Variants in IGBP1 observed in about 807,000 individuals in gnomAD.
IGBP1 encodes immunoglobulin binding protein 1.
A neutral mutation model predicts 25.9 loss-of-function variants in IGBP1; 2 were observed. The ratio of observed to expected loss-of-function variants is 0.08; its 90% CI spans 0.03 to 0.24. The LOEUF (loss-of-function observed/expected upper bound fraction) is 0.24. IGBP1 is among the 10% of genes least tolerant of loss of function. The pLI is 1.00. For synonymous variants in IGBP1, 96 were observed against 93.4 expected (o/e 1.03, Z -0.16); for missense variants, 187 against 260.4 (o/e 0.72, Z 1.94).
At chrX:70,154,768 G>A (rs751771426) in intron 6 of IGBP1, among the ~76,000 whole-genome samples, 6 of 95,393 alleles carry the variant, frequency 6.3e-5, no homozygotes, top group South Asian at 9.9e-4. Flanking sequence ...GTGATGGTTC[G>A]TGCCTGTAGT....
intron 6 of IGBP1, among the ~76,000 whole-genome samples, chrX:70,162,275 T>TA (rs1041902549): frequency 2.7e-5 from 3 of 111,789 alleles, no homozygotes; most frequent in South Asian, 3.7e-4. Flanking sequence ...TCTAATTCTG[T>TA]AAAAAATAGG....
intron 6 of IGBP1, among the ~76,000 whole-genome samples, chrX:70,155,929 TGA>T (rs2085237566): frequency 1.8e-5 from 2 of 112,272 alleles, no homozygotes; most frequent in Non-Finnish European, 3.8e-5. Flanking sequence ...ATTATTTACT[TGA>T]ATACTTACAG....
intron 6 of IGBP1, among the ~76,000 whole-genome samples, chrX:70,161,328 A>G (rs1348889678): frequency 8.9e-6 from 1 of 111,771 alleles, no homozygotes. Context: ...CCACTGGCCA[A>G]TTCGGTTTCA....
chrX:70,162,194 C>T (rs935096684), intron 6 of IGBP1, among the ~76,000 whole-genome samples: 4 of 111,433 alleles, frequency 3.6e-5, no homozygotes, highest in Admixed American at 9.6e-5. Flanking sequence ...GTCAGGTCAT[C>T]GAGGTTATTA....
intron 6 of IGBP1, among the ~76,000 whole-genome samples, chrX:70,154,791 G>A (rs2085228900): frequency 9.6e-6 from 1 of 104,206 alleles, no homozygotes; most frequent in South Asian, 4.3e-4. Flanking sequence ...CAGATACTCA[G>A]GAGGCTGAGG....
At chrX:70,144,143 G>T (rs2085150436) in intron 3 of IGBP1, among the ~76,000 whole-genome samples, 1 of 112,235 alleles carries the variant, frequency 8.9e-6, no homozygotes, top group African/African-American at 3.2e-5. Context: ...AGCTGAAATT[G>T]TGCGGCTGCA....
chrX:70,146,541 T>C, intron 3 of IGBP1, 92 bp from the exon 4 acceptor site: 5 of 721,654 alleles, frequency 6.9e-6, no homozygotes, highest in Non-Finnish European at 1.1e-5. Flanking sequence ...TACTACCCTA[T>C]CATTTGCAAA....
intron 3 of IGBP1, among the ~76,000 whole-genome samples, chrX:70,139,265 G>A (rs1158176498): frequency 9.8e-6 from 1 of 102,289 alleles, no homozygotes; most frequent in African/African-American, 3.6e-5. Context: ...AGCCGAGATC[G>A]CACCATTGCA....
At chrX:70,165,747 G>T in intron 6 of IGBP1, 86 bp from the exon 7 acceptor site, 2 of 856,418 alleles carry the variant, frequency 2.3e-6, no homozygotes, top group Non-Finnish European at 3.4e-6. Context: ...GCATGTGGTT[G>T]TGCTCAGAGT....
intron 6 of IGBP1, among the ~76,000 whole-genome samples, chrX:70,151,578 A>G (rs2085203043): frequency 1.8e-5 from 2 of 111,732 alleles, no homozygotes; most frequent in Non-Finnish European, 3.8e-5. Flanking sequence ...AAGAAAAAAA[A>G]TAAAAATAAA....
intron 6 of IGBP1, among the ~76,000 whole-genome samples, chrX:70,165,532 G>A (rs1165015536): frequency 9.1e-6 from 1 of 110,326 alleles, no homozygotes; most frequent in Non-Finnish European, 1.9e-5. Flanking sequence ...TGGGGGGGGT[G>A]GGTGTTGGCC....
chrX:70,143,824 A>C (rs1359519961), intron 3 of IGBP1, among the ~76,000 whole-genome samples: 1 of 112,475 alleles, frequency 8.9e-6, no homozygotes, highest in Non-Finnish European at 1.9e-5. Context: ...TCTCATTAGA[A>C]GAAAAGGTTC....
chrX:70,139,311 CA>C (rs775830617), intron 3 of IGBP1, among the ~76,000 whole-genome samples: 289 of 39,433 alleles, frequency 7.3e-3, no homozygotes, highest in African/African-American at 0.026. Flanking sequence ...GACTCCGTCT[CA>C]AAAAAAAAAA....
Position 70,134,876 on chromosome X carries a change from T to A in IGBP1, c.482+60T>A, listed in dbSNP as rs1319879966. ...TGGCGGTGCTTTTCAGGGGCATGCT[T>A]TCTTGGCGGGTGGTGGGGGGCCAGA... On this transcript the variant is annotated intron_variant, in intron 3 of 6. Coordinates refer to ENST00000356413, the MANE Select transcript of IGBP1 (RefSeq NM_001551.3). The A allele has an allele frequency of 6.5e-6, 7 of 1,085,101 alleles. No homozygotes were observed. The Admixed American group carries it at 1.5e-4, about 24-fold the overall frequency. 89.4% of individuals were successfully genotyped at this position (1,085,101 alleles called of 1,213,427 possible).
chrX:70,134,398 G>A lies in IGBP1; in HGVS notation c.189-125G>A, dbSNP rs1569420716. 22 of 730,851 alleles carry A rather than the reference G, an allele frequency of 3.0e-5. No homozygotes were observed. The East Asian group carries it at 6.3e-4, about 21-fold the overall frequency. The allele number at this position is 730,851 out of a possible 1,213,427, so 60.2% of individuals were successfully genotyped here. On this transcript the variant is annotated intron_variant, in intron 2 of 6. Transcript: ENST00000356413. ...CCACTTTCATTGAGTGAAACTGGCCGCTGTTCCCCGTGCCTCCTCCCTCTG... is the reference window on the plus strand; with the variant it reads ...CCACTTTCATTGAGTGAAACTGGCCACTGTTCCCCGTGCCTCCTCCCTCTG...
rs774228547 is a variant in IGBP1, at chrX:70,156,614, T to A, written c.871+6292T>A. Among the ~76,000 whole-genome samples the A allele has an allele frequency of 3.6e-5, 4 of 112,362 alleles. No homozygotes were observed. In the South Asian group the frequency reaches 1.5e-3, roughly 41 times the overall value. On this transcript the variant is annotated intron_variant, in intron 6 of 6. Transcript: ENST00000356413. ...ATTAGAAAATACTTCTAACTGGGAA[T>A]AAGTTCAAGAGATCTGTTATACAGC...
intron 4 of IGBP1, chrX:70,148,538 G>A (rs2085181498): frequency 2.5e-6 from 1 of 396,415 alleles, no homozygotes; most frequent in African/African-American, 2.5e-5. Flanking sequence ...TGATTCCTGG[G>A]AGAACTTTCT....
intron 3 of IGBP1, among the ~76,000 whole-genome samples, chrX:70,141,478 G>A (rs2085129748): frequency 8.9e-6 from 1 of 111,778 alleles, no homozygotes; most frequent in Non-Finnish European, 1.9e-5. Flanking sequence ...TTTAGTTCAT[G>A]TTACTTATCA....
rs904766154 is a variant in IGBP1 at position 70,133,468 on chromosome X, G to A, written c.-298G>A. 1 of 243,498 alleles carries A rather than the reference G, an allele frequency of 4.1e-6. No homozygotes were observed. The highest frequency in any genetic ancestry group is 7.3e-6 in the Non-Finnish European group (1 of 136,719). 20.1% of individuals were successfully genotyped at this position (243,498 alleles called of 1,213,427 possible). On this transcript the variant is annotated 5_prime_UTR_variant, in exon 1 of 7. Coordinates refer to ENST00000356413, the MANE Select transcript of IGBP1 (RefSeq NM_001551.3). ...ACTTGCACTTCGCGCTCAAGCGACCGGATCTTCAAACCGTGGGAGTGGTGC... is the reference window on the plus strand; with the variant it reads ...ACTTGCACTTCGCGCTCAAGCGACCAGATCTTCAAACCGTGGGAGTGGTGC...
Sources: allele counts gnomAD v4.1 joint callset (sites outside exome capture counted in the v4.1 genomes callset), GRCh38; gene constraint gnomAD v4.1.1; transcripts MANE v1.5; gene names NCBI Gene and HGNC (gene_info 2026-07-23, HGNC 2026-07-21).